The following CCDC125 variants were observed in gnomAD, a reference collection of about 807,000 sequenced individuals.
The protein encoded by CCDC125 is coiled-coil domain containing 125, also known as coiled-coil domain-containing protein 125.
A neutral mutation model predicts 57.4 loss-of-function variants in CCDC125; 43 were observed. The observed-to-expected ratio is 0.75, with a 90% confidence interval of 0.59 to 0.97. The LOEUF (loss-of-function observed/expected upper bound fraction) is 0.97. Ranked by LOEUF, CCDC125 falls within the 50% of genes least tolerant of loss-of-function variation. The probability of loss-of-function intolerance (pLI) is 0.00; values close to 1 mark genes in which losing one functional copy is unlikely to be tolerated. For synonymous variants in CCDC125, 187 were observed against 195.2 expected (o/e 0.96, Z 0.35); for missense variants, 563 against 595.7 (o/e 0.95, Z 0.57).
chr5:69,277,596 G>A (rs993343414), downstream of CCDC125, among the ~76,000 whole-genome samples: 3 of 151,954 alleles, frequency 2.0e-5, no homozygotes, highest in Admixed American at 6.6e-5. Flanking sequence ...GTGAAACCCC[G>A]TCTCTACTAA....
chr5:69,285,699 A>G (rs986805419), intron 10 of CCDC125, among the ~76,000 whole-genome samples: 1 of 152,224 alleles, frequency 6.6e-6, no homozygotes, highest in African/African-American at 2.4e-5. Context: ...CACAGGCCAC[A>G]CAAGAACACA....
intron 7 of CCDC125, among the ~76,000 whole-genome samples, chr5:69,300,843 C>CT (rs1264794316): frequency 1.3e-5 from 2 of 151,918 alleles, no homozygotes; most frequent in African/African-American, 4.8e-5. Flanking sequence ...TAATTTAGAG[C>CT]TTTTTTTGTC....
intron 8 of CCDC125, among the ~76,000 whole-genome samples, chr5:69,298,638 G>A (rs559531486): frequency 2.0e-5 from 3 of 152,208 alleles, no homozygotes; most frequent in East Asian, 3.9e-4. Context: ...CCTGACTCCC[G>A]GTGCTACTTC....
Position 69,311,129 on chromosome 5 carries a change from G to T in CCDC125, c.442C>A (p.Leu148Ile). 1.2e-6 allele frequency: 2 copies of T among 1,603,688 alleles called. No individual in the cohort carries two copies. The highest frequency in any genetic ancestry group is 2.2e-5 in the East Asian group (1 of 44,722). Reference sequence around the variant, plus strand: ...AAACAACTTCTTACCATGCTTTGAAGAATTTTCAATGCTTCCTCTTTACCT... The same window carrying T: ...AAACAACTTCTTACCATGCTTTGAATAATTTTCAATGCTTCCTCTTTACCT... ...LRGKEEALKILQSMAILGKAT... is the reference protein window; with the variant it reads ...LRGKEEALKIIQSMAILGKAT... The change falls in exon 4 of 12, where the codon CTT (leucine) becomes ATT (isoleucine). Residue 148 changes from leucine to isoleucine, a missense_variant. Physicochemically the swap from Leu to Ile is conservative, Grantham distance 5 (BLOSUM62 2). Coordinates refer to ENST00000396496, the MANE Select transcript of CCDC125 (RefSeq NM_176816.5).
intron 1 of CCDC125, among the ~76,000 whole-genome samples, chr5:69,327,890 CA>C (rs547944801): frequency 2.6e-5 from 4 of 152,138 alleles, no homozygotes; most frequent in Non-Finnish European, 5.9e-5. Flanking sequence ...ACATGTTCTC[CA>C]GACTATTAGG....
At chr5:69,298,084 C>T (rs866864215) in intron 8 of CCDC125, among the ~76,000 whole-genome samples, 10 of 151,798 alleles carry the variant, frequency 6.6e-5, no homozygotes, top group East Asian at 2.0e-4. Context: ...GGCACAATCC[C>T]GGCTCACTGC....
In CCDC125 at chr5:69,286,771, C is replaced by T. The variant is rs183395366; in HGVS notation, c.1100-1304G>A. 3.4e-3 allele frequency among the ~76,000 whole-genome samples: 511 copies of T among 152,138 alleles called. 5 individuals are homozygous for T. Among genetic ancestry groups the T allele is most frequent in the African/African-American group, 0.012 (494 of 41,510 alleles). The stretch of plus-strand genomic sequence containing the variant: ...AAGTGGTTTAGTGGGAAACTGAGAG[C>T]AGATGAGGGGAGATCCCCTTCCCAC... On this transcript the variant is annotated intron_variant, in intron 10 of 11. Coordinates refer to ENST00000396496, the MANE Select transcript of CCDC125 (RefSeq NM_176816.5).
chr5:69,304,126 A>G (rs550864703), intron 6 of CCDC125, among the ~76,000 whole-genome samples, 197 bp from the exon 7 acceptor site: 1 of 148,822 alleles, frequency 6.7e-6, no homozygotes, highest in African/African-American at 2.5e-5. Flanking sequence ...TTTTTTTGAA[A>G]TGGAGTCTCA....
chr5:69,331,188 A>G (rs1761371280), intron 1 of CCDC125, among the ~76,000 whole-genome samples: 1 of 151,480 alleles, frequency 6.6e-6, no homozygotes, highest in Admixed American at 6.6e-5. Context: ...CTTTAATCCC[A>G]ACTACTTGGG....
At chr5:69,279,055 T>C (rs1752337737), downstream of CCDC125, among the ~76,000 whole-genome samples, 1 of 151,698 alleles carries the variant, frequency 6.6e-6, no homozygotes. Context: ...ACAAATGTAT[T>C]AGCTCACAGT....
At chr5:69,284,821 G>T (rs1412324938) in intron 11 of CCDC125, among the ~76,000 whole-genome samples, 2 of 152,198 alleles carry the variant, frequency 1.3e-5, no homozygotes, top group Non-Finnish European at 2.9e-5. Flanking sequence ...GCTGGGCATG[G>T]TGGGTCACGC....
chr5:69,330,294 C>G (rs753186274), intron 1 of CCDC125, among the ~76,000 whole-genome samples: 2 of 152,154 alleles, frequency 1.3e-5, no homozygotes, highest in African/African-American at 2.4e-5. Context: ...CCAAGCACAT[C>G]TTGCTCAAAA....
At chr5:69,307,892 G>A in intron 5 of CCDC125, 59 bp downstream of exon 5, 2 of 1,348,012 alleles carry the variant, frequency 1.5e-6, no homozygotes, top group South Asian at 1.2e-5. Flanking sequence ...GTGAGTTTAG[G>A]GAAATTATAT....
chr5:69,299,474 G>A (rs1756011265), intron 8 of CCDC125, among the ~76,000 whole-genome samples: 1 of 151,972 alleles, frequency 6.6e-6, no homozygotes, highest in African/African-American at 2.4e-5. Context: ...ATTTTTTTGT[G>A]AGGCCCCTTC....
intron 1 of CCDC125, among the ~76,000 whole-genome samples, chr5:69,321,906 G>A (rs567792747): frequency 6.6e-6 from 1 of 151,912 alleles, no homozygotes; most frequent in East Asian, 1.9e-4. Context: ...GCGCAATCTT[G>A]ACTCACCACA....
At chr5:69,316,769 T>A (rs1474333010) in intron 2 of CCDC125, among the ~76,000 whole-genome samples, 1 of 152,050 alleles carries the variant, frequency 6.6e-6, no homozygotes, top group East Asian at 1.9e-4. Context: ...CACCTCGGCC[T>A]CCCAAAATGC....
At chr5:69,277,182 G>A, downstream of CCDC125, 1 of 1,383,032 alleles carries the variant, frequency 7.2e-7, no homozygotes, top group Non-Finnish European at 1.0e-6. Flanking sequence ...TAGCCAAAAA[G>A]GCAAATAATG....
At chr5:69,313,790 T>G in intron 3 of CCDC125, 195 bp downstream of exon 3, 1 of 797,454 alleles carries the variant, frequency 1.3e-6, no homozygotes, top group South Asian at 1.3e-5. Context: ...CTTCTTCAAC[T>G]TCTCTGGTGT....
intron 10 of CCDC125, among the ~76,000 whole-genome samples, chr5:69,287,363 A>G (rs1222560499): frequency 1.3e-5 from 2 of 151,280 alleles, no homozygotes; most frequent in Non-Finnish European, 2.9e-5. Context: ...TCCCGGGTTC[A>G]AACATTTCTC....
Sources: gnomAD v4.1 joint callset for allele counts (sites outside exome capture counted in the v4.1 genomes callset) on GRCh38, gnomAD v4.1.1 for gene constraint, MANE v1.5 for transcripts, NCBI Gene and HGNC (gene_info 2026-07-23, HGNC 2026-07-21) for gene names.